ADCY10: variants seen among roughly 807,000 people sequenced by gnomAD.
ADCY10 encodes the protein adenylate cyclase type 10.
Under a neutral mutation model 183.3 loss-of-function variants are expected in ADCY10, and 156 were observed. The ratio of observed to expected loss-of-function variants is 0.85; its 90% CI spans 0.75 to 0.97. The LOEUF (loss-of-function observed/expected upper bound fraction) is 0.97. Ranked by LOEUF, ADCY10 falls within the 50% of genes least tolerant of loss-of-function variation. The pLI is 0.00. For synonymous variants in ADCY10, 645 were observed against 670.0 expected (o/e 0.96, Z 0.58); for missense variants, 1,745 against 1,934.3 (o/e 0.90, Z 1.84).
intron 19 of ADCY10, among the ~76,000 whole-genome samples, chr1:167,847,118 G>A (rs1665099560): frequency 6.6e-6 from 1 of 151,718 alleles, no homozygotes; most frequent in Non-Finnish European, 1.5e-5. Context: ...GGAGAGATGG[G>A]ATTTCACCAT....
At chr1:167,824,012 G>T (rs942528331) in intron 28 of ADCY10, among the ~76,000 whole-genome samples, 5 of 152,148 alleles carry the variant, frequency 3.3e-5, no homozygotes, top group Non-Finnish European at 4.4e-5. Flanking sequence ...GCAAGGCAAA[G>T]AATTCTGTTT....
At chr1:167,853,999 T>G (rs1172207997) in intron 18 of ADCY10, among the ~76,000 whole-genome samples, 1 of 151,822 alleles carries the variant, frequency 6.6e-6, no homozygotes, top group Non-Finnish European at 1.5e-5. Context: ...CCACCACACC[T>G]GGCTAATTTT....
At chr1:167,887,359 T>C (rs1668298644) in intron 8 of ADCY10, among the ~76,000 whole-genome samples, 1 of 152,256 alleles carries the variant, frequency 6.6e-6, no homozygotes, top group African/African-American at 2.4e-5. Context: ...TGGAATATTA[T>C]GCACCCATAA....
intron 6 of ADCY10, among the ~76,000 whole-genome samples, chr1:167,897,244 G>A (rs1202378610): frequency 6.6e-6 from 1 of 151,390 alleles, no homozygotes; most frequent in Admixed American, 6.6e-5. Context: ...CTAGCACTTT[G>A]GGAGGCTGAG....
intron 12 of ADCY10, 57 bp downstream of exon 12, chr1:167,878,389 C>A (rs1272032753): frequency 1.5e-5 from 24 of 1,578,218 alleles, no homozygotes; most frequent in Non-Finnish European, 2.1e-5. Context: ...GCTTTGCTAT[C>A]ATAATTCTCC....
intron 8 of ADCY10, among the ~76,000 whole-genome samples, chr1:167,887,480 G>A (rs945334296): frequency 1.3e-5 from 2 of 152,074 alleles, no homozygotes; most frequent in Admixed American, 1.3e-4. Flanking sequence ...TCACTCATAG[G>A]TGGGAATTGA....
chr1:167,905,039 G>A lies in ADCY10; in HGVS notation c.102C>T (p.Pro34=). The A allele has an allele frequency of 6.2e-7, 1 of 1,614,166 alleles. No homozygotes were observed. The highest frequency in any genetic ancestry group is 8.5e-7 in the Non-Finnish European group (1 of 1,180,042). Residue 34 remains proline (P), a synonymous_variant, in exon 2 of 33, where the codon CCC becomes CCT. Coordinates refer to ENST00000367851, the MANE Select transcript of ADCY10 (RefSeq NM_018417.6). ...GGACTCCGTCAAAATAATCCATAAA[G>A]GGTCGCTCTGGGGAGAAATGTCCAT... is the stretch of plus-strand genomic sequence containing the variant. ...IVYGHFSPER[P]FMDYFDGVLM... is the part of the protein sequence containing the mutation.
chr1:167,901,753 A>C lies in ADCY10; in HGVS notation c.345T>G (p.Ile115Met). 1 of 1,614,186 alleles carries C rather than the reference A, an allele frequency of 6.2e-7. No individual in the cohort carries two copies. The highest frequency in any genetic ancestry group is 8.5e-7 in the Non-Finnish European group (1 of 1,180,024). ...WRVERKQLKN[I>M]ITVVIKCSLE... ...GGCTACATTTAATTACCACTGTGAT[A>C]ATGTTTTTCAGCTGCTTTCGCTCCA... The change falls in exon 5 of 33, where the codon ATT becomes ATG. Residue 115 changes from isoleucine (I) to methionine (M), a missense_variant. By Grantham distance (10) the Ile-to-Met change is conservative. Transcript: ENST00000367851.
At chr1:167,904,618 T>G in intron 2 of ADCY10, 1 of 519,900 alleles carries the variant, frequency 1.9e-6, no homozygotes, top group Admixed American at 3.3e-5. Flanking sequence ...TCTGAAGAGG[T>G]GGCAAGTTTA....
At chr1:167,855,224 G>A (rs760376345) in intron 17 of ADCY10, among the ~76,000 whole-genome samples, 27 of 152,306 alleles carry the variant, frequency 1.8e-4, no homozygotes, top group African/African-American at 6.5e-4. Context: ...GGAGGCTGAG[G>A]CAGAAGAATC....
rs1664932732 is a variant in ADCY10 at position 167,845,426 on chromosome 1, G to T, written c.3007+137C>A. On this transcript the variant is annotated intron_variant, in intron 21 of 32. Transcript: ENST00000367851. ...TTTCTCTTCCCCATTGGCCTAGGCT[G>T]CTGAAGTCTCATCATTCTTTGTGCC... is the stretch of plus-strand genomic sequence containing the variant. 3.0e-5 allele frequency: 26 copies of T among 858,232 alleles called. No individual in the cohort carries two copies. The South Asian group carries it at 3.8e-4, about 13-fold the overall frequency. The allele number at this position is 858,232 out of a possible 1,614,324, so 53.2% of individuals were successfully genotyped here. A position where few individuals can be genotyped will look rare whatever the true frequency, so the allele number is the denominator to read the frequency against.
rs768796489 is a variant in ADCY10, at chr1:167,822,016, A to T, written c.4286+8T>A. 4 of 1,521,768 alleles carry T rather than the reference A, an allele frequency of 2.6e-6. No individual in the cohort carries two copies. The highest frequency in any genetic ancestry group is 3.6e-6 in the Non-Finnish European group (4 of 1,096,132). 94.3% of individuals were successfully genotyped at this position (1,521,768 alleles called of 1,614,324 possible). A position where few individuals can be genotyped will look rare whatever the true frequency, so the allele number is the denominator to read the frequency against. Reference sequence around the variant, plus strand: ...TTGGGAATTTAGTGATATGCCACACATTGTTACCAGATAGCTACAGAGGAA... The same window carrying T: ...TTGGGAATTTAGTGATATGCCACACTTTGTTACCAGATAGCTACAGAGGAA... On this transcript the variant is annotated splice_region_variant and intron_variant, in intron 30 of 32. Transcript: ENST00000367851.
At chr1:167,819,368 G>T (rs61806965) in intron 30 of ADCY10, among the ~76,000 whole-genome samples, 17,085 of 149,228 alleles carry the variant, frequency 0.11, 1,461 homozygotes, top group African/African-American at 0.25. Context: ...CTCCTGCCTC[G>T]CTGGGATTAC....
chr1:167,873,472 C>A (rs1667242535), intron 13 of ADCY10, among the ~76,000 whole-genome samples: 1 of 152,148 alleles, frequency 6.6e-6, no homozygotes, highest in Admixed American at 6.5e-5. Context: ...ACAGTTAGGA[C>A]CAAGATTTAA....
intron 21 of ADCY10, 140 bp downstream of exon 21, chr1:167,845,423 G>A (rs989338856): frequency 2.4e-6 from 2 of 826,158 alleles, no homozygotes; most frequent in African/African-American, 1.7e-5. Context: ...ATTGGCCTAG[G>A]CTGCTGAAGT....
intron 1 of ADCY10, among the ~76,000 whole-genome samples, chr1:167,912,548 A>C (rs115921841): frequency 5.0e-4 from 76 of 152,320 alleles, no homozygotes; most frequent in African/African-American, 1.8e-3. Context: ...ACCCTATGCA[A>C]ATCAGACACT....
intron 31 of ADCY10, among the ~76,000 whole-genome samples, chr1:167,815,948 T>C (rs1421506953): frequency 6.6e-6 from 1 of 151,740 alleles, no homozygotes. Context: ...AGCATATCAA[T>C]AGAAACCTAC....
intron 1 of ADCY10, among the ~76,000 whole-genome samples, chr1:167,912,298 G>A (rs1305161319): frequency 6.6e-6 from 1 of 152,200 alleles, no homozygotes; most frequent in Non-Finnish European, 1.5e-5. Context: ...CTTAGAGCCA[G>A]GCCGGCAACC....
intron 25 of ADCY10, among the ~76,000 whole-genome samples, chr1:167,831,047 G>A (rs560183612): frequency 5.3e-5 from 8 of 152,138 alleles, no homozygotes; most frequent in South Asian, 2.1e-4. Flanking sequence ...GCTGTGCCCC[G>A]ACCACCTTGG....
Sources: allele counts gnomAD v4.1 joint callset (sites outside exome capture counted in the v4.1 genomes callset), GRCh38; gene constraint gnomAD v4.1.1; transcripts MANE v1.5; gene names NCBI Gene and HGNC (gene_info 2026-07-23, HGNC 2026-07-21).